Variants in LRMDA observed in about 807,000 individuals in gnomAD.
LRMDA encodes leucine-rich melanocyte differentiation-associated protein.
A neutral mutation model predicts 29.8 loss-of-function variants in LRMDA; 18 were observed. That is an observed-to-expected ratio of 0.60 (90% CI 0.42 to 0.90). The LOEUF is 0.90. Among genes scored for constraint, LRMDA ranks in the 40% least tolerant of loss-of-function variants. LRMDA has a pLI of 0.00. For synonymous variants in LRMDA, 125 were observed against 109.4 expected, an observed-to-expected ratio of 1.14 and a Z score of -0.89; for missense variants, 273 against 273.9, an observed-to-expected ratio of 1.00 and a Z score of 0.02.
At chr10:75,771,595 G>A (rs1029553517) in intron 2 of LRMDA, among the ~76,000 whole-genome samples, 5 of 152,156 alleles carry the variant, frequency 3.3e-5, no homozygotes, top group Non-Finnish European at 7.4e-5. Context: ...AAGTCAGGAA[G>A]CAGGAGCCAG....
chr10:76,458,367 T>A (rs1173934683), intron 6 of LRMDA, among the ~76,000 whole-genome samples: 2 of 152,214 alleles, frequency 1.3e-5, no homozygotes, highest in Non-Finnish European at 2.9e-5. Context: ...CTGTTATTTT[T>A]TAGTTACATG....
chr10:75,710,247 C>T (rs2132176738), intron 2 of LRMDA, among the ~76,000 whole-genome samples: 1 of 152,338 alleles, frequency 6.6e-6, no homozygotes, highest in East Asian at 1.9e-4. Context: ...AAACCACTAG[C>T]TTCTCCCAGC....
intron 2 of LRMDA, among the ~76,000 whole-genome samples, chr10:75,863,561 C>G (rs1844969202): frequency 6.6e-6 from 1 of 152,162 alleles, no homozygotes; most frequent in Admixed American, 6.5e-5. Context: ...ATTTACCGCT[C>G]TGTGCTTCAG....
At chr10:76,546,105 G>A (rs1843418240) in intron 6 of LRMDA, among the ~76,000 whole-genome samples, 1 of 152,114 alleles carries the variant, frequency 6.6e-6, no homozygotes, top group South Asian at 2.1e-4. Context: ...AACTGTCCAG[G>A]GATGTATAAT....
chr10:75,956,900 C>T (rs564200161), intron 2 of LRMDA, among the ~76,000 whole-genome samples: 2 of 152,256 alleles, frequency 1.3e-5, no homozygotes, highest in Admixed American at 6.5e-5. Context: ...ACTGGGCTAC[C>T]GTGGACTTTT....
At chr10:76,494,814 T>G in intron 6 of LRMDA, among the ~76,000 whole-genome samples, 1 of 151,968 alleles carries the variant, frequency 6.6e-6, no homozygotes, top group Non-Finnish European at 1.5e-5. Context: ...ATTTGCAATT[T>G]GTTTAAAATA....
At chr10:75,772,299 A>G (rs1351999982) in intron 2 of LRMDA, among the ~76,000 whole-genome samples, 1 of 152,210 alleles carries the variant, frequency 6.6e-6, no homozygotes, top group Non-Finnish European at 1.5e-5. Flanking sequence ...TCAGTATTTA[A>G]GTCAGTCTTA....
chr10:75,956,443 A>G (rs1564616229), intron 2 of LRMDA, among the ~76,000 whole-genome samples: 2 of 152,160 alleles, frequency 1.3e-5, no homozygotes, highest in Non-Finnish European at 2.9e-5. Context: ...GGTGTCAGCT[A>G]CAAAACACAT....
In LRMDA at chr10:76,500,514, T is replaced by C. The variant is rs1215583831; in HGVS notation, c.602-56695T>C. ...GGTGAAACAAAATGAAATTAGTCAA[T>C]GTGTATGAACTGTTTTAAGGTTACT... On this transcript the variant is annotated intron_variant, in intron 6 of 6. Transcript: ENST00000611255. 1.2e-4 allele frequency among the ~76,000 whole-genome samples: 9 copies of C among 75,450 alleles called. 4 individuals carry two copies. The highest frequency in any genetic ancestry group is 8.8e-5 in the Non-Finnish European group (2 of 22,690). The allele number at this position is 75,450 out of a possible 152,430, so 49.5% of individuals were successfully genotyped here.
intron 5 of LRMDA, among the ~76,000 whole-genome samples, chr10:76,111,331 G>A (rs1164738048): frequency 2.0e-5 from 3 of 152,208 alleles, no homozygotes; most frequent in Non-Finnish European, 4.4e-5. Flanking sequence ...GATATCCTTA[G>A]CACCCAGCAT....
At chr10:76,363,801 C>G (rs1380333615) in intron 6 of LRMDA, among the ~76,000 whole-genome samples, 1 of 152,012 alleles carries the variant, frequency 6.6e-6, no homozygotes, top group East Asian at 1.9e-4. Context: ...ACCGTAACTA[C>G]GTTGTTTTGA....
At chr10:76,028,281 A>T (rs1358959252) in intron 2 of LRMDA, among the ~76,000 whole-genome samples, 1 of 152,138 alleles carries the variant, frequency 6.6e-6, no homozygotes, top group Non-Finnish European at 1.5e-5. Context: ...TTTTCCATCC[A>T]AGGTTTTTGG....
At chr10:76,235,577 G>T (rs1009166995) in intron 5 of LRMDA, among the ~76,000 whole-genome samples, 8 of 152,148 alleles carry the variant, frequency 5.3e-5, no homozygotes, top group African/African-American at 1.9e-4. Context: ...GTGACAGCCT[G>T]CGACAGGGTC....
At chr10:75,588,019 A>G (rs1309072621) in intron 2 of LRMDA, among the ~76,000 whole-genome samples, 1 of 152,184 alleles carries the variant, frequency 6.6e-6, no homozygotes, top group Non-Finnish European at 1.5e-5. Flanking sequence ...GAGAAATGAT[A>G]AAGGATTCTT....
chr10:76,122,548 T>A (rs923823514), intron 5 of LRMDA, among the ~76,000 whole-genome samples: 1 of 152,140 alleles, frequency 6.6e-6, no homozygotes, highest in Non-Finnish European at 1.5e-5. Flanking sequence ...CTCTAGAGAT[T>A]AAATGAGTTC....
rs140777606 is a variant in LRMDA at position 75,730,241 on chromosome 10, T to G, written c.131+291747T>G. Among the ~76,000 whole-genome samples, 6 of 152,288 alleles carry G rather than the reference T, an allele frequency of 3.9e-5. No homozygotes were observed. In the East Asian group the frequency reaches 1.2e-3, roughly 29 times the overall value. ...TGTCCGAATTTAGTGACATGTTTCT[T>G]TTTCTTTTTGGGTGGTATGATATGG... On this transcript the variant is annotated intron_variant, in intron 2 of 6. Coordinates refer to ENST00000611255, the MANE Select transcript of LRMDA (RefSeq NM_001305581.2).
intron 5 of LRMDA, among the ~76,000 whole-genome samples, chr10:76,306,422 T>TG (rs1297149157): frequency 6.6e-6 from 1 of 152,150 alleles, no homozygotes; most frequent in Non-Finnish European, 1.5e-5. Context: ...TTGGGTCTCT[T>TG]GGGGGAAATG....
rs189920306 is a variant in LRMDA at position 75,959,185 on chromosome 10, A to G, written c.132-76823A>G. Among the ~76,000 whole-genome samples, 59 of 152,272 alleles carry G rather than the reference A, an allele frequency of 3.9e-4. 1 individual carries two copies. Among genetic ancestry groups the G allele is most frequent in the African/African-American group, 1.4e-3 (59 of 41,570 alleles). On this transcript the variant is annotated intron_variant, in intron 2 of 6. Coordinates refer to ENST00000611255, the MANE Select transcript of LRMDA (RefSeq NM_001305581.2). ...ATCAAAAGGCTCTTAGAGAAAACCT[A>G]GTTAGAAGGTCCTCCCGCCCCATTT...
At chr10:75,544,907 G>A (rs1840060285) in intron 2 of LRMDA, among the ~76,000 whole-genome samples, 1 of 152,146 alleles carries the variant, frequency 6.6e-6, no homozygotes, top group Non-Finnish European at 1.5e-5. Context: ...GTAGGGATGT[G>A]CTGTTAGAAT....
Sources: gnomAD v4.1 joint callset for allele counts (sites outside exome capture counted in the v4.1 genomes callset) on GRCh38, gnomAD v4.1.1 for gene constraint, MANE v1.5 for transcripts, NCBI Gene and HGNC (gene_info 2026-07-23, HGNC 2026-07-21) for gene names.